Variants in FAF1 observed in about 807,000 individuals in gnomAD.
FAF1 encodes FAS-associated factor 1.
In FAF1, 25 loss-of-function variants were observed where a neutral mutation model predicts 92.5. The ratio of observed to expected loss-of-function variants is 0.27; its 90% confidence interval spans 0.20 to 0.38. The LOEUF is 0.38. Among genes scored for constraint, FAF1 ranks in the 10% least tolerant of loss-of-function variants. The pLI is 1.00. For synonymous variants in FAF1, 234 were observed against 273.2 expected (o/e 0.86, Z 1.42); for missense variants, 636 against 793.3 (o/e 0.80, Z 2.38).
At chr1:50,833,436 C>T (rs1309935920) in intron 2 of FAF1, among the ~76,000 whole-genome samples, 1 of 152,022 alleles carries the variant, frequency 6.6e-6, no homozygotes, top group East Asian at 1.9e-4. Context: ...TGCTTCTATG[C>T]ACTCTCCAGG....
chr1:50,659,507 A>G (rs959577635), intron 7 of FAF1, among the ~76,000 whole-genome samples: 4 of 152,188 alleles, frequency 2.6e-5, no homozygotes, highest in African/African-American at 9.7e-5. Context: ...ACGGAGTTTC[A>G]TCTTTAGAGT....
At chr1:50,574,742 T>C (rs1046959705) in intron 12 of FAF1, among the ~76,000 whole-genome samples, 1 of 152,026 alleles carries the variant, frequency 6.6e-6, no homozygotes, top group Non-Finnish European at 1.5e-5. Context: ...AATAATGCAT[T>C]CTTACTGAAA....
intron 2 of FAF1, among the ~76,000 whole-genome samples, chr1:50,831,578 T>C (rs1340893614): frequency 6.6e-6 from 1 of 152,162 alleles, no homozygotes; most frequent in East Asian, 1.9e-4. Context: ...AATGAATGAA[T>C]ATGATCAAGA....
At chr1:50,625,737 A>C (rs1653468164) in intron 8 of FAF1, among the ~76,000 whole-genome samples, 1 of 152,224 alleles carries the variant, frequency 6.6e-6, no homozygotes, top group African/African-American at 2.4e-5. Flanking sequence ...ACAGGTAGGA[A>C]GGGAGGCACT....
At chr1:50,658,233 T>C (rs1297773457) in intron 7 of FAF1, among the ~76,000 whole-genome samples, 1 of 152,154 alleles carries the variant, frequency 6.6e-6, no homozygotes, top group Non-Finnish European at 1.5e-5. Context: ...TACTTTGAAA[T>C]AATTTCTTGA....
chr1:50,845,911 T>G (rs1016314837), intron 2 of FAF1, among the ~76,000 whole-genome samples: 6 of 152,036 alleles, frequency 3.9e-5, no homozygotes, highest in Admixed American at 6.5e-5. Flanking sequence ...TCACCTGAGG[T>G]CAGGAGTTCG....
At chr1:50,875,823 T>C (rs1164570036) in intron 1 of FAF1, among the ~76,000 whole-genome samples, 1 of 152,132 alleles carries the variant, frequency 6.6e-6, no homozygotes, top group East Asian at 1.9e-4. Context: ...CCCCCCTAAC[T>C]GAAATTTTGT....
intron 6 of FAF1, among the ~76,000 whole-genome samples, chr1:50,721,552 T>G (rs1557493070): frequency 6.6e-6 from 1 of 152,048 alleles, no homozygotes; most frequent in Admixed American, 6.6e-5. Flanking sequence ...GACATTTACT[T>G]ACATATATAA....
intron 12 of FAF1, among the ~76,000 whole-genome samples, chr1:50,568,244 T>C (rs1202598021): frequency 6.6e-6 from 1 of 152,100 alleles, no homozygotes; most frequent in Non-Finnish European, 1.5e-5. Context: ...CAAACCAATC[T>C]TTGAAATTCT....
At chr1:50,854,739 A>G (rs571897507) in intron 2 of FAF1, among the ~76,000 whole-genome samples, 15 of 151,982 alleles carry the variant, frequency 9.9e-5, no homozygotes, top group African/African-American at 3.6e-4. Flanking sequence ...CTATTTTCCT[A>G]TAGAATAGCT....
At chr1:50,857,364 C>T (rs1314428935) in intron 2 of FAF1, among the ~76,000 whole-genome samples, 2 of 151,648 alleles carry the variant, frequency 1.3e-5, no homozygotes, top group African/African-American at 4.8e-5. Flanking sequence ...CATCCTGACA[C>T]AACCAATACT....
rs978750129 is a variant in FAF1 at position 50,612,545 on chromosome 1, T to G, written c.745-16329A>C. On this transcript the variant is annotated intron_variant, in intron 8 of 18. Transcript: ENST00000396153. ...CACTTGGCTCATGTCTAGTCAATAG[T>G]GAGATGCCATTTACCCCTCAACACT... 13 of 867,826 alleles carry G rather than the reference T, an allele frequency of 1.5e-5. No individual in the cohort carries two copies. The African/African-American group carries it at 2.4e-4, about 16-fold the overall frequency. The allele number at this position is 867,826 out of a possible 1,614,324, so 53.8% of individuals were successfully genotyped here. A position where few individuals can be genotyped will look rare whatever the true frequency, so the allele number is the denominator to read the frequency against.
intron 18 of FAF1, among the ~76,000 whole-genome samples, chr1:50,464,774 T>C (rs891420268): frequency 1.3e-5 from 2 of 152,152 alleles, no homozygotes; most frequent in East Asian, 1.9e-4. Flanking sequence ...ACACATGACA[T>C]TATCCTCACT....
At chr1:50,818,581 A>C (rs2124615129) in intron 2 of FAF1, among the ~76,000 whole-genome samples, 1 of 152,366 alleles carries the variant, frequency 6.6e-6, no homozygotes, top group South Asian at 2.1e-4. Flanking sequence ...AATCTCTCAG[A>C]CATTATGTTG....
intron 6 of FAF1, among the ~76,000 whole-genome samples, chr1:50,707,666 C>G (rs1033904555): frequency 2.6e-5 from 4 of 150,958 alleles, no homozygotes; most frequent in African/African-American, 9.8e-5. Flanking sequence ...TGCACTCCAG[C>G]CTGGGCGATA....
intron 18 of FAF1, among the ~76,000 whole-genome samples, chr1:50,464,164 A>G (rs1209732190): frequency 6.6e-6 from 1 of 151,972 alleles, no homozygotes; most frequent in African/African-American, 2.4e-5. Context: ...TTAATTCTTT[A>G]TTTTTAAATT....
intron 1 of FAF1, among the ~76,000 whole-genome samples, chr1:50,885,324 A>ACACTCT (rs1644651416): frequency 9.8e-6 from 1 of 102,280 alleles, no homozygotes; most frequent in African/African-American, 3.5e-5. Flanking sequence ...ACACACACAC[A>ACACTCT]CTCTCTCTCT....
chr1:50,493,608 A>G (rs1224371298), intron 15 of FAF1, among the ~76,000 whole-genome samples: 1 of 152,242 alleles, frequency 6.6e-6, no homozygotes, highest in Admixed American at 6.5e-5. Flanking sequence ...TTTAATGCTA[A>G]ACTACCCCAT....
chr1:50,669,402 C>T (rs1655770476), intron 7 of FAF1, among the ~76,000 whole-genome samples: 2 of 152,264 alleles, frequency 1.3e-5, no homozygotes, highest in African/African-American at 4.8e-5. Context: ...GAGACACTGT[C>T]ATAGACTGTG....
Sources: gnomAD v4.1 joint callset for allele counts (sites outside exome capture counted in the v4.1 genomes callset) on GRCh38, gnomAD v4.1.1 for gene constraint, MANE v1.5 for transcripts, NCBI Gene and HGNC (gene_info 2026-07-23, HGNC 2026-07-21) for gene names.